Variants in SLC16A7 observed in about 807,000 individuals in gnomAD.
SLC16A7 encodes the protein solute carrier family 16 member 7, also known as monocarboxylate transporter 2.
Under a neutral mutation model 34.9 loss-of-function variants are expected in SLC16A7, and 33 were observed. The observed-to-expected ratio is 0.94, with a 90% CI of 0.72 to 1.26. The LOEUF is 1.26. SLC16A7 is among the 50% of genes most tolerant of loss of function. The probability of loss-of-function intolerance (pLI) is 0.00; values close to 1 mark genes in which losing one functional copy is unlikely to be tolerated. For missense variants in SLC16A7, 573 were observed against 578.1 expected, an observed-to-expected ratio of 0.99 and a Z score of 0.09; for synonymous variants, 201 against 206.6, an observed-to-expected ratio of 0.97 and a Z score of 0.23.
At chr12:59,605,873 G>A (rs979228597) in intron 1 of SLC16A7, among the ~76,000 whole-genome samples, 2 of 152,126 alleles carry the variant, frequency 1.3e-5, no homozygotes, top group African/African-American at 4.8e-5. Context: ...TTTCGACTAA[G>A]CTACTTCTAA....
chr12:59,725,594 TA>T (rs1338958197), intron 3 of SLC16A7, among the ~76,000 whole-genome samples: 1 of 152,178 alleles, frequency 6.6e-6, no homozygotes, highest in Admixed American at 6.5e-5. Context: ...TACTGCTTAA[TA>T]ACACTCTAAG....
Position 59,786,660 on chromosome 12 carries a change from C to T in SLC16A7, c.*6981C>T, listed in dbSNP as rs1883643375. 6.6e-6 allele frequency: 1 copy of T among 152,058 alleles called. No individual in the cohort carries two copies. Among genetic ancestry groups the T allele is most frequent in the Admixed American group, 6.6e-5 (1 of 15,250 alleles). The allele number at this position is 152,058 out of a possible 1,614,324, so 9.4% of individuals were successfully genotyped here. A position where few individuals can be genotyped will look rare whatever the true frequency, so the allele number is the denominator to read the frequency against. On this transcript the variant is annotated 3_prime_UTR_variant, in exon 6 of 6. Coordinates refer to ENST00000547379, the MANE Select transcript of SLC16A7 (RefSeq NM_001270623.2). Reference sequence around the variant, plus strand: ...TAATGAATTCATTTCATCCTCTCAACCCTCAGTTTTGATAGGTATCCACAT... The same window carrying T: ...TAATGAATTCATTTCATCCTCTCAATCCTCAGTTTTGATAGGTATCCACAT...
intron 1 of SLC16A7, among the ~76,000 whole-genome samples, chr12:59,648,940 A>G (rs1399592075): frequency 1.3e-5 from 2 of 152,076 alleles, no homozygotes; most frequent in African/African-American, 4.8e-5. Context: ...GAATCAGGAG[A>G]AATGGATTTT....
intron 3 of SLC16A7, among the ~76,000 whole-genome samples, chr12:59,718,625 G>A (rs911249530): frequency 6.6e-6 from 1 of 152,108 alleles, no homozygotes; most frequent in African/African-American, 2.4e-5. Context: ...GGCTATCTGG[G>A]TGAAGATGTC....
At chr12:59,683,084 A>C (rs1413088656) in intron 2 of SLC16A7, among the ~76,000 whole-genome samples, 1 of 152,152 alleles carries the variant, frequency 6.6e-6, no homozygotes, top group Non-Finnish European at 1.5e-5. Context: ...AAAATTGCAT[A>C]TTGACATAAT....
At position 59,713,044 on chromosome 12, in the gene SLC16A7, T is replaced by C. The variant is rs905680698; in HGVS notation, c.217+8026T>C. Among the ~76,000 whole-genome samples, 11 of 152,046 alleles carry C rather than the reference T, an allele frequency of 7.2e-5. No homozygotes were observed. The East Asian group carries it at 2.1e-3, about 29-fold the overall frequency. On this transcript the variant is annotated intron_variant, in intron 3 of 5. Coordinates refer to ENST00000547379, the MANE Select transcript of SLC16A7 (RefSeq NM_001270623.2). ...TTCTTTTCTTTTCTTTTTTGAGATGTAGTCTCGCTCTGTTGCCCAGGTTGG... is the reference window on the plus strand; with the variant it reads ...TTCTTTTCTTTTCTTTTTTGAGATGCAGTCTCGCTCTGTTGCCCAGGTTGG...
At chr12:59,684,909 A>G (rs944809434) in intron 2 of SLC16A7, among the ~76,000 whole-genome samples, 1 of 152,150 alleles carries the variant, frequency 6.6e-6, no homozygotes, top group Non-Finnish European at 1.5e-5. Context: ...AATGGACACA[A>G]TGAGTAAAGA....
chr12:59,746,725 G>T (rs1171024662), intron 3 of SLC16A7, among the ~76,000 whole-genome samples: 1 of 152,150 alleles, frequency 6.6e-6, no homozygotes, highest in Non-Finnish European at 1.5e-5. Flanking sequence ...TATTGACAAA[G>T]TAACAGCAAC....
intron 3 of SLC16A7, among the ~76,000 whole-genome samples, chr12:59,738,221 T>C (rs1343003770): frequency 6.6e-6 from 1 of 152,180 alleles, no homozygotes; most frequent in African/African-American, 2.4e-5. Flanking sequence ...GCTTTAGCAG[T>C]CTATGTCACA....
chr12:59,754,918 T>C (rs556805825), intron 3 of SLC16A7, among the ~76,000 whole-genome samples: 1 of 152,312 alleles, frequency 6.6e-6, no homozygotes, highest in East Asian at 1.9e-4. Flanking sequence ...CATGATCAAG[T>C]GGGCTTCATC....
chr12:59,680,378 A>G (rs1363411860), intron 2 of SLC16A7, among the ~76,000 whole-genome samples: 1 of 152,194 alleles, frequency 6.6e-6, no homozygotes, highest in African/African-American at 2.4e-5. Flanking sequence ...TATAGGAATT[A>G]TGTCTAGTCT....
chr12:59,734,598 C>CTG lies in SLC16A7; in HGVS notation c.217+29581_217+29582dup, dbSNP rs760387307. On this transcript the variant is annotated intron_variant, in intron 3 of 5. Transcript: ENST00000547379. ...CAGGGCTGCCACCTGTTCCTGGCCC[C>CTG]TGCCGGCTTTGCACAGTGTGGGGCC... 1.1e-3 allele frequency among the ~76,000 whole-genome samples: 168 copies of CTG among 152,340 alleles called. 2 individuals are homozygous for CTG. Among genetic ancestry groups the CTG allele is most frequent in the Non-Finnish European group, 1.6e-3 (110 of 68,036 alleles).
rs149713172 is a variant in SLC16A7 at position 59,695,250 on chromosome 12, A to C, written c.-30-9522A>C. ...AAGCCAGGGAAGTTCTCCCTGCCAG[A>C]GGAAATAGATAGAAAATACATTTCC... On this transcript the variant is annotated intron_variant, in intron 2 of 5. Coordinates refer to ENST00000547379, the MANE Select transcript of SLC16A7 (RefSeq NM_001270623.2). Among the ~76,000 whole-genome samples the C allele has an allele frequency of 6.6e-5, 10 of 152,084 alleles. No homozygotes were observed. In the East Asian group the frequency reaches 1.9e-3, roughly 30 times the overall value.
Position 59,664,079 on chromosome 12 carries a change from G to A in SLC16A7, c.-31+8829G>A, listed in dbSNP as rs556815328. 2.5e-3 allele frequency among the ~76,000 whole-genome samples: 385 copies of A among 152,092 alleles called. 3 individuals carry two copies. Among genetic ancestry groups the A allele is most frequent in the South Asian group, 5.8e-3 (28 of 4,824 alleles). ...CTAGACAATCTAGAGTTGGAATCCA[G>A]GACCCCATATTTTACAGCTATATGG... On this transcript the variant is annotated intron_variant, in intron 2 of 5. Transcript: ENST00000547379.
intron 3 of SLC16A7, among the ~76,000 whole-genome samples, chr12:59,728,937 A>T (rs1876610377): frequency 6.6e-6 from 1 of 152,214 alleles, no homozygotes; most frequent in Non-Finnish European, 1.5e-5. Flanking sequence ...TCAAATAATT[A>T]GGTGTCCTAC....
chr12:59,758,566 T>G (rs1340380401), intron 3 of SLC16A7, among the ~76,000 whole-genome samples: 1 of 151,752 alleles, frequency 6.6e-6, no homozygotes, highest in East Asian at 1.9e-4. Context: ...TGTAAAAAAA[T>G]AAAGCAGGGA....
Position 59,596,809 on chromosome 12 carries a change from C to T in SLC16A7, c.-130+573C>T, listed in dbSNP as rs1157209226. On this transcript the variant is annotated intron_variant, in intron 1 of 5. Coordinates refer to ENST00000547379, the MANE Select transcript of SLC16A7 (RefSeq NM_001270623.2). The surrounding 1 kb of genome is among the most constrained non-coding windows in gnomAD (Gnocchi z 5.0). ...AGGCTGTGAGGGGAAGACGAAATAC[C>T]GGGGGATGGGGGGGTTGTCTTTCTT... Among the ~76,000 whole-genome samples, 1 of 152,108 alleles carries T rather than the reference C, an allele frequency of 6.6e-6. No homozygotes were observed. Among genetic ancestry groups the T allele is most frequent in the African/African-American group, 2.4e-5 (1 of 41,428 alleles).
intron 3 of SLC16A7, among the ~76,000 whole-genome samples, chr12:59,707,834 G>A (rs1008258106): frequency 1.3e-5 from 2 of 152,014 alleles, no homozygotes; most frequent in African/African-American, 4.8e-5. Context: ...ACATGCAAAT[G>A]TTTCATCTCT....
chr12:59,675,587 CAAAGT>C (rs1163228927), intron 2 of SLC16A7, among the ~76,000 whole-genome samples: 1 of 152,016 alleles, frequency 6.6e-6, no homozygotes, highest in East Asian at 1.9e-4. Flanking sequence ...GTTCAAGCCT[CAAAGT>C]AAAGGTAAAA....
Sources: allele counts gnomAD v4.1 joint callset (sites outside exome capture counted in the v4.1 genomes callset), GRCh38; gene constraint gnomAD v4.1.1; non-coding constraint Gnocchi (gnomAD v3.1); transcripts MANE v1.5; gene names NCBI Gene and HGNC (gene_info 2026-07-23, HGNC 2026-07-21).